The following OPCML variants were observed in gnomAD, a reference collection of about 807,000 sequenced individuals.
OPCML encodes the protein opioid-binding protein/cell adhesion molecule.
In OPCML, 13 loss-of-function variants were observed where a neutral mutation model predicts 37.8. The ratio of observed to expected loss-of-function variants is 0.34; its 90% CI spans 0.22 to 0.55. The LOEUF (loss-of-function observed/expected upper bound fraction) is 0.55. Ranked by LOEUF, OPCML falls within the 20% of genes least tolerant of loss-of-function variation. The pLI, the probability that OPCML is intolerant of heterozygous loss-of-function variation, is 0.91. For synonymous variants in OPCML, 176 were observed against 168.8 expected, an observed-to-expected ratio of 1.04 and a Z score of -0.33; for missense variants, 341 against 435.6, an observed-to-expected ratio of 0.78 and a Z score of 1.93.
intron 1 of OPCML, among the ~76,000 whole-genome samples, chr11:133,219,181 T>G (rs566732140): frequency 1.3e-5 from 2 of 152,318 alleles, no homozygotes; most frequent in African/African-American, 4.8e-5. Context: ...TCAGTTCACT[T>G]CTATATCTAG....
intron 4 of OPCML, among the ~76,000 whole-genome samples, chr11:132,522,696 G>A (rs1057495200): frequency 1.3e-5 from 2 of 152,094 alleles, no homozygotes; most frequent in Non-Finnish European, 2.9e-5. Flanking sequence ...TCGACATTTC[G>A]AAAGTCACTC....
intron 1 of OPCML, among the ~76,000 whole-genome samples, chr11:133,324,126 T>C (rs1160502314): frequency 1.3e-5 from 2 of 152,212 alleles, no homozygotes; most frequent in Admixed American, 1.3e-4. Context: ...GATTTGATTT[T>C]AATCACACTG....
At chr11:132,530,945 C>T (rs2096323409) in intron 3 of OPCML, among the ~76,000 whole-genome samples, 1 of 152,192 alleles carries the variant, frequency 6.6e-6, no homozygotes, top group African/African-American at 2.4e-5. Flanking sequence ...CTCTCCTCTG[C>T]CATTTGCCCT....
intron 1 of OPCML, among the ~76,000 whole-genome samples, chr11:133,439,582 C>A: frequency 6.6e-6 from 1 of 152,020 alleles, no homozygotes; most frequent in Non-Finnish European, 1.5e-5. Context: ...ATTCTCCTGC[C>A]TCAGCCTCCC....
intron 1 of OPCML, among the ~76,000 whole-genome samples, chr11:132,985,832 C>T (rs547511106): frequency 6.6e-6 from 1 of 152,290 alleles, no homozygotes; most frequent in South Asian, 2.1e-4. Flanking sequence ...TCTTCCTTTT[C>T]CCTGCAGTAA....
intron 2 of OPCML, among the ~76,000 whole-genome samples, chr11:132,798,640 T>C (rs1938470859): frequency 1.3e-5 from 2 of 152,236 alleles, no homozygotes; most frequent in Admixed American, 1.3e-4. Flanking sequence ...AGAGTTGGAA[T>C]AGACTTCCAA....
At chr11:132,957,713 A>C (rs1946001915) in intron 1 of OPCML, among the ~76,000 whole-genome samples, 1 of 152,106 alleles carries the variant, frequency 6.6e-6, no homozygotes, top group Non-Finnish European at 1.5e-5. Flanking sequence ...AACTATTGCA[A>C]TATTTCAAAC....
chr11:132,493,043 T>C (rs561476), intron 4 of OPCML, among the ~76,000 whole-genome samples: 70,657 of 152,070 alleles, frequency 0.46, 17,152 homozygotes, highest in Non-Finnish European at 0.54. Context: ...TAGAACTAGA[T>C]TGCCTGTTTC....
At position 133,079,845 on chromosome 11, in the gene OPCML, C is replaced by G. The variant is rs138874012; in HGVS notation, c.62-136835G>C. Among the ~76,000 whole-genome samples, 464 of 152,274 alleles carry G rather than the reference C, an allele frequency of 3.0e-3. 1 individual carries two copies. Among genetic ancestry groups the G allele is most frequent in the African/African-American group, 0.011 (450 of 41,536 alleles). ...CTTCTCCATCCTGCTGCAGGCTCTG[C>G]CTTTTGCTCCATAATGATGCCAGAG... On this transcript the variant is annotated intron_variant, in intron 1 of 7. Transcript: ENST00000524381.
chr11:133,236,986 G>A (rs560055154), intron 1 of OPCML, among the ~76,000 whole-genome samples: 1 of 152,304 alleles, frequency 6.6e-6, no homozygotes, highest in African/African-American at 2.4e-5. Flanking sequence ...CCTGCAGGAA[G>A]TAAAAATGGC....
chr11:132,722,903 C>T (rs1479790995), intron 2 of OPCML, among the ~76,000 whole-genome samples: 1 of 152,158 alleles, frequency 6.6e-6, no homozygotes, highest in Non-Finnish European at 1.5e-5. Context: ...AAATTTCACA[C>T]AGTACTCTCC....
In OPCML at chr11:133,162,629, G is replaced by A. The variant is rs147805727; in HGVS notation, c.62-219619C>T. On this transcript the variant is annotated intron_variant, in intron 1 of 7. Transcript: ENST00000524381. ...CGATTTGGTGGTAAACAGGGGTGCC[G>A]TTCATCATGACAGTGTCCTCATGCA... Among the ~76,000 whole-genome samples, 1,289 of 152,236 alleles carry A rather than the reference G, an allele frequency of 8.5e-3. 14 individuals are homozygous for A. Among genetic ancestry groups the A allele is most frequent in the Non-Finnish European group, 0.013 (887 of 68,014 alleles).
rs569591145 is a variant in OPCML, at chr11:132,969,457, G to A, written c.62-26447C>T. ...TTTGTTAAGTTTATTAGATGTGTAGGTCAATTTTTCTATCAAGTTTTTGAA... is the reference window on the plus strand; with the variant it reads ...TTTGTTAAGTTTATTAGATGTGTAGATCAATTTTTCTATCAAGTTTTTGAA... On this transcript the variant is annotated intron_variant, in intron 1 of 7. Coordinates refer to ENST00000524381, the MANE Select transcript of OPCML (RefSeq NM_001012393.5). 3.3e-5 allele frequency among the ~76,000 whole-genome samples: 5 copies of A among 151,948 alleles called. No homozygotes were observed. The South Asian group carries it at 1.0e-3, about 32-fold the overall frequency.
chr11:133,498,035 A>G (rs988766229), intron 1 of OPCML, among the ~76,000 whole-genome samples: 1 of 152,212 alleles, frequency 6.6e-6, no homozygotes, highest in East Asian at 1.9e-4. Flanking sequence ...CTGCACTTGT[A>G]TAAATTACAG....
At chr11:132,971,588 T>C (rs573551249) in intron 1 of OPCML, among the ~76,000 whole-genome samples, 13 of 152,330 alleles carry the variant, frequency 8.5e-5, no homozygotes, top group African/African-American at 2.6e-4. Flanking sequence ...GGCCTCTTTG[T>C]AAAACTTTCA....
At chr11:132,465,400 C>G (rs2096116464) in intron 4 of OPCML, among the ~76,000 whole-genome samples, 1 of 152,140 alleles carries the variant, frequency 6.6e-6, no homozygotes, top group Admixed American at 6.5e-5. Flanking sequence ...CAATTTCATT[C>G]TGTAAAATAT....
At chr11:133,283,016 CAGA>C (rs1408880594) in intron 1 of OPCML, among the ~76,000 whole-genome samples, 1 of 152,074 alleles carries the variant, frequency 6.6e-6, no homozygotes, top group African/African-American at 2.4e-5. Flanking sequence ...GGCTCATAGG[CAGA>C]AGAAGATAAG....
intron 1 of OPCML, among the ~76,000 whole-genome samples, chr11:133,310,099 T>C (rs1310268211): frequency 2.0e-5 from 3 of 152,218 alleles, no homozygotes; most frequent in South Asian, 2.1e-4. Flanking sequence ...AGAAAGAACC[T>C]GAATGATGAA....
intron 1 of OPCML, among the ~76,000 whole-genome samples, chr11:133,039,369 T>C (rs1947842254): frequency 6.6e-6 from 1 of 152,128 alleles, no homozygotes; most frequent in Non-Finnish European, 1.5e-5. Flanking sequence ...TTTACATTTA[T>C]TGCATTTCCC....
Sources: gnomAD v4.1 joint callset for allele counts (sites outside exome capture counted in the v4.1 genomes callset) on GRCh38, gnomAD v4.1.1 for gene constraint, MANE v1.5 for transcripts, NCBI Gene and HGNC (gene_info 2026-07-23, HGNC 2026-07-21) for gene names.